LITAF: variants seen among roughly 807,000 people sequenced by gnomAD.
LITAF encodes lipopolysaccharide-induced tumor necrosis factor-alpha factor.
Under a neutral mutation model 14.5 loss-of-function variants are expected in LITAF, and 9 were observed. The ratio of observed to expected loss-of-function variants is 0.62; its 90% CI spans 0.37 to 1.08. LITAF has a LOEUF of 1.08. Among genes scored for constraint, LITAF ranks in the 50% least tolerant of loss-of-function variants. LITAF has a pLI of 0.01. For synonymous variants in LITAF, 98 were observed against 88.2 expected (o/e 1.11, Z -0.62); for missense variants, 206 against 213.4 (o/e 0.97, Z 0.22).
At chr16:11,563,883 C>G (rs1009218350) in intron 1 of LITAF, among the ~76,000 whole-genome samples, 1 of 151,910 alleles carries the variant, frequency 6.6e-6, no homozygotes, top group Admixed American at 6.6e-5. Flanking sequence ...GCTTGTCAAC[C>G]CAGACAGCAT....
intron 1 of LITAF, among the ~76,000 whole-genome samples, chr16:11,594,759 C>T (rs548776329): frequency 2.3e-4 from 35 of 152,008 alleles, no homozygotes; most frequent in African/African-American, 8.2e-4. Flanking sequence ...GCCTGTAATC[C>T]CAGCTTCTTG....
chr16:11,596,156 C>T (rs2064884334), intron 1 of LITAF, among the ~76,000 whole-genome samples: 1 of 152,052 alleles, frequency 6.6e-6, no homozygotes, highest in Non-Finnish European at 1.5e-5. Context: ...GGTGTGGGAC[C>T]ATCCCAGAAC....
chr16:11,600,562 T>C (rs2064920678), upstream of LITAF, among the ~76,000 whole-genome samples: 1 of 152,208 alleles, frequency 6.6e-6, no homozygotes, highest in Non-Finnish European at 1.5e-5. This position sits in a 1 kb window ranked among gnomAD's most constrained non-coding sequence, Gnocchi z 4.1. Context: ...CCGTTTGGCA[T>C]GCTTTCCTCT....
At chr16:11,620,162 C>T (rs2065041155) in intron 3 of LITAF, among the ~76,000 whole-genome samples, 1 of 139,842 alleles carries the variant, frequency 7.2e-6, no homozygotes. Flanking sequence ...AGTGAGAGTC[C>T]GTCTCAAAAA....
chr16:11,587,186 C>T (rs17552324), upstream of LITAF: 4 of 335,904 alleles, frequency 1.2e-5, no homozygotes, highest in Non-Finnish European at 2.4e-5. Flanking sequence ...GTGTCTCCCC[C>T]ACTCTCCTAT....
At chr16:11,581,155 T>A (rs1189796201) in intron 1 of LITAF, among the ~76,000 whole-genome samples, 1 of 152,254 alleles carries the variant, frequency 6.6e-6, no homozygotes, top group Non-Finnish European at 1.5e-5. Flanking sequence ...ACTCCCACAT[T>A]TATGCATGGA....
intron 3 of LITAF, among the ~76,000 whole-genome samples, chr16:11,622,004 A>C (rs982215321): frequency 6.6e-6 from 1 of 152,206 alleles, no homozygotes; most frequent in Non-Finnish European, 1.5e-5. Flanking sequence ...TGCCAGCTCA[A>C]ATTAAACAAT....
rs772584136 is a variant in LITAF at position 11,553,326 on chromosome 16, G to C, written c.377+207C>G. ...CACGGGACGCTAAGGCAGGAGAATC[G>C]TTTGAACCTGAGCAGTGGGGGTTAC... is the stretch of plus-strand genomic sequence containing the variant. On this transcript the variant is annotated intron_variant, in intron 3 of 3. Coordinates refer to ENST00000622633, the MANE Select transcript of LITAF (RefSeq NM_001136472.2). The surrounding 1 kb of genome is among the most constrained non-coding windows in gnomAD (Gnocchi z 7.7). 1.2e-4 allele frequency: 68 copies of C among 575,974 alleles called. No individual in the cohort carries two copies. The highest frequency in any genetic ancestry group is 2.0e-4 in the Non-Finnish European group (63 of 320,510). The allele number at this position is 575,974 out of a possible 1,614,324, so 35.7% of individuals were successfully genotyped here. A position where few individuals can be genotyped will look rare whatever the true frequency, so the allele number is the denominator to read the frequency against.
In LITAF at chr16:11,622,612, C is replaced by G. The variant is rs370126180; in HGVS notation, c.85+10921G>C. 1.8e-3 allele frequency among the ~76,000 whole-genome samples: 279 copies of G among 152,276 alleles called. 2 individuals carry two copies. The highest frequency in any genetic ancestry group is 0.014 in the South Asian group (66 of 4,824). On this transcript the variant is annotated intron_variant, in intron 3 of 3. Coordinates refer to the LITAF transcript ENST00000574848. Reference sequence around the variant, plus strand: ...GTGTCTCTCGAGATTGCTTTTGCACCGTTTAACAGGGTTATTTAAAGCCAT... The same window carrying G: ...GTGTCTCTCGAGATTGCTTTTGCACGGTTTAACAGGGTTATTTAAAGCCAT...
intron 3 of LITAF, among the ~76,000 whole-genome samples, chr16:11,613,777 C>T (rs72781049): frequency 0.14 from 21,452 of 152,236 alleles, 1,890 homozygotes; most frequent in Non-Finnish European, 0.21. Flanking sequence ...ACAGAGGTGG[C>T]TGGGGCAAAG....
Position 11,549,665 on chromosome 16 carries a change from G to A in LITAF, c.458C>T (p.Ala153Val), listed in dbSNP as rs760018833. Residue 153 changes from alanine (A) to valine (V), a missense_variant, in exon 4 of 4, where the codon GCT (alanine) becomes GTT (valine). Transcript: ENST00000622633. The surrounding 1 kb of genome is among the most constrained non-coding windows in gnomAD (Gnocchi z 4.6). The part of the protein sequence containing the change: ...DVDHYCPNCR[A>V]LLGTYKRL ...CAAACGCTTGTAGGTGCCCAGGAGAGCTCTGCAGTTGGGACAGTAATGGTC... is the reference window on the plus strand; with the variant it reads ...CAAACGCTTGTAGGTGCCCAGGAGAACTCTGCAGTTGGGACAGTAATGGTC... 2 of 1,613,596 alleles carry A rather than the reference G, an allele frequency of 1.2e-6. No individual in the cohort carries two copies. The highest frequency in any genetic ancestry group is 1.7e-5 in the Admixed American group (1 of 59,968).
chr16:11,639,130 G>A (rs573148306), upstream of LITAF, among the ~76,000 whole-genome samples: 31 of 151,832 alleles, frequency 2.0e-4, no homozygotes, highest in Admixed American at 9.2e-4. Flanking sequence ...GAGGGAGACA[G>A]GAATGGATGC....
rs576011446 is a variant in LITAF, at chr16:11,553,309, G to A, written c.377+224C>T. 75 of 533,748 alleles carry A rather than the reference G, an allele frequency of 1.4e-4. No homozygotes were observed. The East Asian group carries it at 1.7e-3, about 12-fold the overall frequency. The allele number at this position is 533,748 out of a possible 1,614,324, so 33.1% of individuals were successfully genotyped here. ...CCCTATAATCCCAGCTACACGGGAC[G>A]CTAAGGCAGGAGAATCGTTTGAACC... On this transcript the variant is annotated intron_variant, in intron 3 of 3. Coordinates refer to ENST00000622633, the MANE Select transcript of LITAF (RefSeq NM_001136472.2). The surrounding 1 kb of genome is among the most constrained non-coding windows in gnomAD (Gnocchi z 7.7).
At chr16:11,581,844 C>T (rs1597357190) in intron 1 of LITAF, among the ~76,000 whole-genome samples, 3 of 152,266 alleles carry the variant, frequency 2.0e-5, no homozygotes, top group Middle Eastern at 3.4e-3. Flanking sequence ...GCACTCCCCT[C>T]GAAAGGTATT....
chr16:11,574,371 T>C (rs563687816), intron 1 of LITAF, among the ~76,000 whole-genome samples: 82 of 152,198 alleles, frequency 5.4e-4, no homozygotes, highest in African/African-American at 1.9e-3. Context: ...ATGCAAAAAA[T>C]GTCTCCAAAG....
At chr16:11,562,604 A>G (rs1295030056) in intron 1 of LITAF, among the ~76,000 whole-genome samples, 2 of 152,252 alleles carry the variant, frequency 1.3e-5, no homozygotes, top group South Asian at 4.1e-4. Context: ...TGCTCAACGA[A>G]AGGTATTCTT....
chr16:11,601,858 C>T (rs564304028), upstream of LITAF, among the ~76,000 whole-genome samples: 1 of 152,310 alleles, frequency 6.6e-6, no homozygotes, highest in South Asian at 2.1e-4. Context: ...CCCTGCCTGG[C>T]CTGTGGCTTT....
At chr16:11,631,222 T>C (rs550178889) in intron 3 of LITAF, among the ~76,000 whole-genome samples, 49 of 152,216 alleles carry the variant, frequency 3.2e-4, no homozygotes, top group African/African-American at 1.1e-3. Flanking sequence ...CACCACAAAC[T>C]GAGGCGCTTA....
At chr16:11,606,547 T>G (rs2064956031) in intron 3 of LITAF, among the ~76,000 whole-genome samples, 1 of 152,176 alleles carries the variant, frequency 6.6e-6, no homozygotes, top group African/African-American at 2.4e-5. Context: ...GATATTAATT[T>G]TATATGCACT....
Sources: gnomAD v4.1 joint callset for allele counts (sites outside exome capture counted in the v4.1 genomes callset) on GRCh38, gnomAD v4.1.1 for gene constraint, Gnocchi (gnomAD v3.1) non-coding constraint, MANE v1.5 for transcripts, NCBI Gene and HGNC (gene_info 2026-07-23, HGNC 2026-07-21) for gene names.